The following NCOR1 variants were observed in gnomAD, a reference collection of about 807,000 sequenced individuals.
NCOR1 encodes protein phosphatase 1, regulatory subunit 109.
NCOR1 carries 63 observed loss-of-function variants against 288.1 expected under a neutral mutation model. The ratio of observed to expected loss-of-function variants is 0.22; its 90% CI spans 0.18 to 0.27. The LOEUF is 0.27. NCOR1 is among the 10% of genes least tolerant of loss of function. The pLI, the probability that NCOR1 is intolerant of heterozygous loss-of-function variation, is 1.00. For synonymous variants in NCOR1, 1,007 were observed against 1,065.9 expected (o/e 0.94, Z 1.08); for missense variants, 2,397 against 3,019.2 (o/e 0.79, Z 4.83).
At chr17:16,166,097 A>G (rs1032420528) in intron 4 of NCOR1, among the ~76,000 whole-genome samples, 3 of 152,216 alleles carry the variant, frequency 2.0e-5, no homozygotes, top group African/African-American at 7.2e-5. Flanking sequence ...GCTAATATAC[A>G]CTGATGAAAA....
At chr17:16,069,567 GACA>G (rs1039316305) in intron 31 of NCOR1, among the ~76,000 whole-genome samples, 4 of 152,274 alleles carry the variant, frequency 2.6e-5, no homozygotes, top group Admixed American at 2.6e-4. Context: ...GGGTTATAGT[GACA>G]ACAATAATAA....
At chr17:16,043,810 TGAG>T (rs1174939847) in intron 42 of NCOR1, among the ~76,000 whole-genome samples, 6 of 152,140 alleles carry the variant, frequency 3.9e-5, no homozygotes, top group Non-Finnish European at 2.9e-5. Flanking sequence ...TGGTGACACT[TGAG>T]GAGCTGTAAA....
At chr17:16,180,085 T>C (rs898372772) in intron 3 of NCOR1, among the ~76,000 whole-genome samples, 1 of 151,070 alleles carries the variant, frequency 6.6e-6, no homozygotes, top group African/African-American at 2.4e-5. Context: ...TGGTTTAACA[T>C]ACACAAATCA....
chr17:16,035,502 T>C (rs1389927100), intron 44 of NCOR1, among the ~76,000 whole-genome samples: 2 of 151,762 alleles, frequency 1.3e-5, no homozygotes, highest in Non-Finnish European at 2.9e-5. Flanking sequence ...CAGTTACATC[T>C]TCAGGCTCCA....
At chr17:16,063,292 A>G (rs2060736229) in intron 35 of NCOR1, among the ~76,000 whole-genome samples, 1 of 151,962 alleles carries the variant, frequency 6.6e-6, no homozygotes, top group African/African-American at 2.4e-5. Context: ...GGATCATCCT[A>G]CTTCATCCTC....
chr17:16,070,241 G>C lies in NCOR1; in HGVS notation c.4437C>G (p.Thr1479=), dbSNP rs2061596713. 1 of 1,613,782 alleles carries C rather than the reference G, an allele frequency of 6.2e-7. No homozygotes were observed. Among genetic ancestry groups the C allele is most frequent in the Admixed American group, 1.7e-5 (1 of 59,968 alleles). ...AQLSPGIYDD[T]SARRTPVSYQ... ...AACTCACAGGGGTCCTCCGTGCACTGGTGTCATCATAAATCCCAGGGCTCA... is the reference window on the plus strand; with the variant it reads ...AACTCACAGGGGTCCTCCGTGCACTCGTGTCATCATAAATCCCAGGGCTCA... Residue 1479 remains threonine, a synonymous_variant, in exon 31 of 46, where the codon ACC becomes ACG. Transcript: ENST00000268712.
intron 40 of NCOR1, among the ~76,000 whole-genome samples, chr17:16,049,744 C>A (rs557277312): frequency 6.6e-6 from 1 of 151,992 alleles, no homozygotes; most frequent in Non-Finnish European, 1.5e-5. Flanking sequence ...CGCCACCATA[C>A]CCCGGCTAAT....
At position 16,199,151 on chromosome 17, in the gene NCOR1, A is replaced by G. The variant is rs1034500885; in HGVS notation, c.-70-4512T>C. Reference sequence around the variant, plus strand: ...TAGTGAAGTTTAACTTTATTATCTCAAAAAAAAAAAAAGTCAGTTTTCTTT... The same window carrying G: ...TAGTGAAGTTTAACTTTATTATCTCGAAAAAAAAAAAAGTCAGTTTTCTTT... On this transcript the variant is annotated intron_variant, in intron 1 of 45. Transcript: ENST00000268712. Among the ~76,000 whole-genome samples the G allele has an allele frequency of 5.0e-5, 7 of 140,718 alleles. No individual in the cohort carries two copies. In the South Asian group the frequency reaches 6.6e-4, roughly 13 times the overall value. The allele number at this position is 140,718 out of a possible 152,430, so 92.3% of individuals were successfully genotyped here.
At chr17:16,214,729 T>C (rs2092407525) in intron 1 of NCOR1, among the ~76,000 whole-genome samples, 2 of 152,230 alleles carry the variant, frequency 1.3e-5, no homozygotes, top group African/African-American at 2.4e-5. Context: ...ATTTCACAAC[T>C]ACAGTTTCTC....
At chr17:16,187,981 T>C (rs981119628) in intron 2 of NCOR1, among the ~76,000 whole-genome samples, 3 of 151,056 alleles carry the variant, frequency 2.0e-5, no homozygotes, top group Admixed American at 1.3e-4. Flanking sequence ...TGTCAAAAGA[T>C]GGGGAGAAGA....
At chr17:16,167,856 T>C (rs1261228046) in intron 4 of NCOR1, among the ~76,000 whole-genome samples, 2 of 47,802 alleles carry the variant, frequency 4.2e-5, no homozygotes, top group East Asian at 3.4e-4. Flanking sequence ...GAAGACTCCA[T>C]CTCAAAAAAA....
rs756221557 is a variant in NCOR1 at position 16,096,778 on chromosome 17, T to C, written c.2820+1589A>G. On this transcript the variant is annotated intron_variant, in intron 21 of 45. Transcript: ENST00000268712. The stretch of plus-strand genomic sequence containing the variant: ...CTCTCCCATATGTCTTAGCACTCCC[T>C]AACCCAAGCCCAGCACAAGAGGATG... Among the ~76,000 whole-genome samples the C allele has an allele frequency of 1.3e-4, 20 of 152,262 alleles. No individual in the cohort carries two copies. In the South Asian group the frequency reaches 1.5e-3, roughly 11 times the overall value.
rs2074402688 is a variant in NCOR1 at position 16,127,297 on chromosome 17, GTATGTATATATACA to G, written c.1510-1105_1510-1092del. ...TGTATATATACGTGTATATATGTAT[GTATGTATATATACA>G]TGTATGTATATATGTATGTATATAT... On this transcript the variant is annotated intron_variant, in intron 14 of 45. Transcript: ENST00000268712. Among the ~76,000 whole-genome samples the G allele has an allele frequency of 3.8e-5, 4 of 104,464 alleles. 1 individual carries two copies. Among genetic ancestry groups the G allele is most frequent in the African/African-American group, 1.4e-4 (4 of 28,936 alleles). 68.5% of individuals were successfully genotyped at this position (104,464 alleles called of 152,430 possible).
intron 26 of NCOR1, among the ~76,000 whole-genome samples, chr17:16,076,778 A>C (rs2062520791): frequency 6.6e-6 from 1 of 152,132 alleles, no homozygotes; most frequent in African/African-American, 2.4e-5. Context: ...CCCAAAGCCA[A>C]ACTTGCACCA....
intron 45 of NCOR1, among the ~76,000 whole-genome samples, chr17:16,034,175 A>G (rs1357203103): frequency 2.6e-5 from 4 of 152,218 alleles, no homozygotes; most frequent in South Asian, 2.1e-4. Flanking sequence ...CAAATAGTCA[A>G]TGTTCGCTAC....
chr17:16,087,326 C>G, intron 22 of NCOR1: 1 of 1,303,946 alleles, frequency 7.7e-7, no homozygotes, highest in Non-Finnish European at 1.0e-6. Context: ...CAGCATAAGG[C>G]ATATAGGCGA....
At chr17:16,081,935 G>C (rs73981442) in intron 23 of NCOR1, among the ~76,000 whole-genome samples, 10,268 of 152,232 alleles carry the variant, frequency 0.067, 545 homozygotes, top group African/African-American at 0.15. Flanking sequence ...CTCAACTTAG[G>C]CTGCCCTTAA....
In NCOR1 at chr17:16,092,074, A is replaced by C. The variant is rs1297868019; in HGVS notation, c.2821-16T>G. The C allele has an allele frequency of 2.1e-5, 34 of 1,610,796 alleles. No homozygotes were observed. The highest frequency in any genetic ancestry group is 2.8e-5 in the Non-Finnish European group (33 of 1,178,900). ...TGCAGGATACCTATAGGAAGAAAAT[A>C]AATCGAAATATGCAAACAACCAATG... On this transcript the variant is annotated splice_polypyrimidine_tract_variant and intron_variant, in intron 21 of 45. Transcript: ENST00000268712.
intron 1 of NCOR1, among the ~76,000 whole-genome samples, chr17:16,214,497 G>T (rs1235247652): frequency 6.6e-6 from 1 of 152,132 alleles, no homozygotes; most frequent in Non-Finnish European, 1.5e-5. Context: ...TCTGATGCAG[G>T]TTTACATACT....
Sources: gnomAD v4.1 joint callset for allele counts (sites outside exome capture counted in the v4.1 genomes callset) on GRCh38, gnomAD v4.1.1 for gene constraint, MANE v1.5 for transcripts, NCBI Gene and HGNC (gene_info 2026-07-23, HGNC 2026-07-21) for gene names.